EVC: variants seen among roughly 807,000 people sequenced by gnomAD.
EVC encodes the protein evC complex member EVC.
In EVC, 116 loss-of-function variants were observed where a neutral mutation model predicts 118.9. The observed-to-expected ratio is 0.98, with a 90% CI of 0.84 to 1.14. EVC has a LOEUF of 1.14. Among genes scored for constraint, EVC ranks in the 50% most tolerant of loss-of-function variants. The pLI is 0.00. For synonymous variants in EVC, 619 were observed against 534.7 expected (o/e 1.16, Z -2.18); for missense variants, 1,401 against 1,246.4 (o/e 1.12, Z -1.87).
intron 11 of EVC, 40 bp from the exon 12 acceptor site, chr4:5,783,512 T>C: frequency 6.3e-7 from 1 of 1,599,262 alleles, no homozygotes; most frequent in Non-Finnish European, 8.6e-7. Flanking sequence ...CACAGGGTCC[T>C]GCCGTGACCT....
chr4:5,712,358 C>G (rs1276780261), intron 1 of EVC, among the ~76,000 whole-genome samples: 1 of 152,178 alleles, frequency 6.6e-6, no homozygotes, highest in Non-Finnish European at 1.5e-5. Flanking sequence ...ACCCCAAAGC[C>G]ACTGTGTTCT....
At chr4:5,814,633 G>A (rs1039732407), downstream of EVC, among the ~76,000 whole-genome samples, 1 of 152,070 alleles carries the variant, frequency 6.6e-6, no homozygotes, top group African/African-American at 2.4e-5. Context: ...CCACCCCTGC[G>A]GCCTAGCAGA....
At chr4:5,744,137 T>C (rs1310248213) in intron 6 of EVC, among the ~76,000 whole-genome samples, 1 of 152,188 alleles carries the variant, frequency 6.6e-6, no homozygotes, top group East Asian at 1.9e-4. Flanking sequence ...CTTAAAACTT[T>C]CAGAAGAGGA....
intron 2 of EVC, among the ~76,000 whole-genome samples, chr4:5,722,146 T>C (rs867303633): frequency 1.3e-5 from 2 of 152,160 alleles, no homozygotes; most frequent in African/African-American, 2.4e-5. Flanking sequence ...TTTCTCATTT[T>C]AAATGACAGC....
At chr4:5,748,413 A>G in intron 8 of EVC, 107 bp downstream of exon 8, 1 of 1,259,712 alleles carries the variant, frequency 7.9e-7, no homozygotes, top group Non-Finnish European at 1.1e-6. Flanking sequence ...GTAGCTGGTT[A>G]TATAGAGCCT....
chr4:5,803,870 A>T (rs369711170), intron 16 of EVC, among the ~76,000 whole-genome samples: 2 of 151,940 alleles, frequency 1.3e-5, no homozygotes, highest in South Asian at 4.2e-4. Context: ...TAGCTGTCCA[A>T]ACCAGGGGCA....
chr4:5,822,035 C>T, the EVC span, among the ~76,000 whole-genome samples: 1 of 140,344 alleles, frequency 7.1e-6, no homozygotes, highest in African/African-American at 2.9e-5. Flanking sequence ...TTCTGTGCCC[C>T]TCAGTCCCTG....
intron 8 of EVC, among the ~76,000 whole-genome samples, chr4:5,748,535 C>CGTGTCCATCCATCTAT (rs1261006421): frequency 1.5e-5 from 2 of 132,362 alleles, no homozygotes; most frequent in Admixed American, 7.4e-5. Flanking sequence ...CATCCATCTA[C>CGTGTCCATCCATCTAT]CCATCCATCC....
At chr4:5,802,118 G>T in intron 16 of EVC, 24 bp downstream of exon 16, 1 of 1,614,096 alleles carries the variant, frequency 6.2e-7, no homozygotes. Flanking sequence ...CCTCAGGGAA[G>T]CCCCAGAAGA....
the EVC span, among the ~76,000 whole-genome samples, chr4:5,822,926 C>G: frequency 6.6e-6 from 1 of 152,196 alleles, no homozygotes. Context: ...TATAAAATCT[C>G]CAGCAAGCCT....
In EVC at chr4:5,789,112, A is replaced by G. The variant is rs754793859; in HGVS notation, c.1777-4496A>G. ...GCAGTGACTTTTCTCTGTTAGTGAT[A>G]CTGGAAATAATTGGGCATCTTACAG... On this transcript the variant is annotated intron_variant, in intron 12 of 20. Transcript: ENST00000264956. This position sits in a 1 kb window ranked among gnomAD's most constrained non-coding sequence, Gnocchi z 4.3. 2.6e-5 allele frequency among the ~76,000 whole-genome samples: 4 copies of G among 152,220 alleles called. No homozygotes were observed. The highest frequency in any genetic ancestry group is 5.9e-5 in the Non-Finnish European group (4 of 68,034).
intron 11 of EVC, among the ~76,000 whole-genome samples, chr4:5,777,749 C>G (rs984831166): frequency 6.6e-6 from 1 of 152,128 alleles, no homozygotes; most frequent in Non-Finnish European, 1.5e-5. Flanking sequence ...GTCATGGTCA[C>G]TTTATTCTGA....
intron 12 of EVC, among the ~76,000 whole-genome samples, chr4:5,792,705 A>G (rs1374685019): frequency 6.6e-6 from 1 of 152,210 alleles, no homozygotes; most frequent in Non-Finnish European, 1.5e-5. Flanking sequence ...AACTGTCACA[A>G]CTATGAAGAT....
intron 8 of EVC, among the ~76,000 whole-genome samples, chr4:5,748,526 A>ATCCATCTACGTGTCCG (rs1420434096): frequency 3.3e-4 from 49 of 150,124 alleles, no homozygotes; most frequent in African/African-American, 1.0e-3. Flanking sequence ...CCATCCATCC[A>ATCCATCTACGTGTCCG]TCCATCTACC....
In EVC at chr4:5,789,846, A is replaced by T. The variant is rs936564052; in HGVS notation, c.1777-3762A>T. On this transcript the variant is annotated intron_variant, in intron 12 of 20. Transcript: ENST00000264956. This position sits in a 1 kb window ranked among gnomAD's most constrained non-coding sequence, Gnocchi z 4.3. ...TGCATTCTCAAAACACGCAGCAAAG[A>T]CCCCTATATACTTTAGTGGCAATGC... is the stretch of plus-strand genomic sequence containing the variant. 6.6e-6 allele frequency among the ~76,000 whole-genome samples: 1 copy of T among 152,076 alleles called. No homozygotes were observed. The highest frequency in any genetic ancestry group is 1.5e-5 in the Non-Finnish European group (1 of 68,018).
At chr4:5,808,624 T>C (rs943845233) in intron 18 of EVC, among the ~76,000 whole-genome samples, 1 of 152,180 alleles carries the variant, frequency 6.6e-6, no homozygotes, top group Admixed American at 6.5e-5. Context: ...AATTGAGCAT[T>C]CCCCTGTGTG....
intron 11 of EVC, among the ~76,000 whole-genome samples, chr4:5,768,095 G>T (rs1484196128): frequency 3.9e-5 from 6 of 152,158 alleles, no homozygotes; most frequent in African/African-American, 1.4e-4. Context: ...GCAGCAGTGA[G>T]GCCAGTGTAA....
chr4:5,748,043 C>A, intron 7 of EVC, 105 bp from the exon 8 acceptor site: 1 of 1,255,802 alleles, frequency 8.0e-7, no homozygotes, highest in Non-Finnish European at 1.2e-6. Context: ...TGTTTAGAAT[C>A]TTTGTTTGTG....
At position 5,798,913 on chromosome 4, in the gene EVC, G is replaced by A; in HGVS notation, c.2304+121G>A. The stretch of plus-strand genomic sequence containing the variant: ...GCTTGTGGCCTAGTAGACTTTGCCT[G>A]ACTTCTCCATGACTTGATTTTCTCA... On this transcript the variant is annotated intron_variant, in intron 15 of 20. Transcript: ENST00000264956. The surrounding 1 kb of genome is among the most constrained non-coding windows in gnomAD (Gnocchi z 4.1). The A allele has an allele frequency of 9.2e-7, 1 of 1,081,850 alleles. No individual in the cohort carries two copies. The highest frequency in any genetic ancestry group is 1.4e-6 in the Non-Finnish European group (1 of 721,160). The allele number at this position is 1,081,850 out of a possible 1,614,324, so 67.0% of individuals were successfully genotyped here. A position where few individuals can be genotyped will look rare whatever the true frequency, so the allele number is the denominator to read the frequency against.
Sources: allele counts gnomAD v4.1 joint callset (sites outside exome capture counted in the v4.1 genomes callset), GRCh38; gene constraint gnomAD v4.1.1; non-coding constraint Gnocchi (gnomAD v3.1); transcripts MANE v1.5; gene names NCBI Gene and HGNC (gene_info 2026-07-23, HGNC 2026-07-21).